The following CEP57L1 variants were observed in gnomAD, a reference collection of about 807,000 sequenced individuals.
CEP57L1 encodes centrosomal protein CEP57L1.
A neutral mutation model predicts 61.0 loss-of-function variants in CEP57L1; 37 were observed. The ratio of observed to expected loss-of-function variants is 0.61; its 90% CI spans 0.47 to 0.80. The LOEUF (loss-of-function observed/expected upper bound fraction) is 0.80, where lower values mean the gene tolerates loss of function less well. Ranked by LOEUF, CEP57L1 falls within the 30% of genes least tolerant of loss-of-function variation. The pLI is 0.00. For missense variants in CEP57L1, 422 were observed against 524.7 expected, an observed-to-expected ratio of 0.80 and a Z score of 1.91; for synonymous variants, 137 against 162.3, an observed-to-expected ratio of 0.84 and a Z score of 1.19.
In CEP57L1 at chr6:109,141,809, A is replaced by G. The variant is rs115199715; in HGVS notation, c.-3-3410A>G. Among the ~76,000 whole-genome samples, 1,198 of 152,272 alleles carry G rather than the reference A, an allele frequency of 7.9e-3. 19 individuals are homozygous for G. Among genetic ancestry groups the G allele is most frequent in the African/African-American group, 0.028 (1,151 of 41,554 alleles). Reference sequence around the variant, plus strand: ...CCTTACTGTGTTTGCTCTTAAGGTAAGTTAGCATAGATGCATACATAAAGA... The same window carrying G: ...CCTTACTGTGTTTGCTCTTAAGGTAGGTTAGCATAGATGCATACATAAAGA... On this transcript the variant is annotated intron_variant, in intron 1 of 10. Coordinates refer to ENST00000517392, the MANE Select transcript of CEP57L1 (RefSeq NM_001271852.3).
At chr6:109,146,703 T>C in intron 2 of CEP57L1, 55 bp from the exon 3 acceptor site, 1 of 1,176,758 alleles carries the variant, frequency 8.5e-7, no homozygotes, top group Non-Finnish European at 1.2e-6. Flanking sequence ...GTTACTTTGA[T>C]TGTAAGTGTT....
chr6:109,130,021 TCA>T (rs1774003182), intron 1 of CEP57L1, among the ~76,000 whole-genome samples: 2 of 152,214 alleles, frequency 1.3e-5, no homozygotes, highest in South Asian at 4.1e-4. Flanking sequence ...AAGTTAGTTA[TCA>T]CCCCATCAAT....
intron 4 of CEP57L1, among the ~76,000 whole-genome samples, chr6:109,153,071 G>A (rs1772815050): frequency 6.6e-6 from 1 of 150,396 alleles, no homozygotes; most frequent in Non-Finnish European, 1.5e-5. Flanking sequence ...AGATTATGCT[G>A]CTGCACTCCA....
intron 4 of CEP57L1, among the ~76,000 whole-genome samples, chr6:109,151,899 AT>A (rs760060337): frequency 5.9e-5 from 9 of 151,704 alleles, no homozygotes; most frequent in Admixed American, 1.3e-4. Flanking sequence ...ATGTGTCATC[AT>A]TTCTCAGGCT....
At chr6:109,116,632 G>A (rs1161336079) in intron 1 of CEP57L1, among the ~76,000 whole-genome samples, 2 of 152,116 alleles carry the variant, frequency 1.3e-5, no homozygotes, top group African/African-American at 4.8e-5. Context: ...TTTGTCTAAA[G>A]TATAGTATTA....
chr6:109,122,630 A>G (rs1488094771), intron 1 of CEP57L1, among the ~76,000 whole-genome samples: 1 of 152,078 alleles, frequency 6.6e-6, no homozygotes, highest in Non-Finnish European at 1.5e-5. Context: ...GTGAAACCCC[A>G]TCTCTACTAA....
At position 109,161,534 on chromosome 6, in the gene CEP57L1, T is replaced by A. The variant is rs11969310; in HGVS notation, c.1161+818T>A. Among the ~76,000 whole-genome samples the A allele has an allele frequency of 7.6e-3, 1,147 of 151,916 alleles. 12 individuals are homozygous for A. The highest frequency in any genetic ancestry group is 0.026 in the African/African-American group (1,076 of 41,442). On this transcript the variant is annotated intron_variant, in intron 10 of 10. Transcript: ENST00000517392. ...CGTTTTATAGGAAAGTAATAGAAGA[T>A]GCAGAATATTATTACTTTTATTCTT...
Position 109,153,938 on chromosome 6 carries a change from A to G in CEP57L1, c.568A>G (p.Lys190Glu), listed in dbSNP as rs763623828. Residue 190 changes from lysine (K) to glutamate (E), a missense_variant, in exon 5 of 11, where the codon AAA (lysine) becomes GAA (glutamate). By Grantham distance (56) the Lys-to-Glu change is moderately conservative. Coordinates refer to ENST00000517392, the MANE Select transcript of CEP57L1 (RefSeq NM_001271852.3). ...KECFRLTTTQKTAEDKIKHLE... is the reference protein window; with the variant it reads ...KECFRLTTTQETAEDKIKHLE... ...GTGTTTCAGACTTACAACAACTCAGAAAACTGCTGAGGTAAGCTTTCTTTG... is the reference window on the plus strand; with the variant it reads ...GTGTTTCAGACTTACAACAACTCAGGAAACTGCTGAGGTAAGCTTTCTTTG... 6.3e-6 allele frequency: 10 copies of G among 1,577,672 alleles called. No homozygotes were observed. The highest frequency in any genetic ancestry group is 7.8e-6 in the Non-Finnish European group (9 of 1,151,746).
At chr6:109,124,069 C>CT (rs1378701123) in intron 1 of CEP57L1, among the ~76,000 whole-genome samples, 3 of 150,528 alleles carry the variant, frequency 2.0e-5, no homozygotes, top group Non-Finnish European at 1.5e-5. Flanking sequence ...GAGTGAGACT[C>CT]TGTCTCAAAA....
chr6:109,148,098 T>C (rs1039138565), intron 3 of CEP57L1, among the ~76,000 whole-genome samples: 14 of 152,104 alleles, frequency 9.2e-5, no homozygotes, highest in African/African-American at 2.9e-4. Flanking sequence ...CTGGTTATTA[T>C]TTTGTCTTTT....
intron 1 of CEP57L1, among the ~76,000 whole-genome samples, chr6:109,097,836 G>A (rs185012593): frequency 8.5e-5 from 13 of 152,218 alleles, no homozygotes; most frequent in Admixed American, 6.5e-4. Context: ...AGTAGGGGAG[G>A]GAATAAACCA....
In CEP57L1 at chr6:109,160,665, A is replaced by G; in HGVS notation, c.1110A>G (p.Lys370=). 1 of 1,609,298 alleles carries G rather than the reference A, an allele frequency of 6.2e-7. No individual in the cohort carries two copies. The highest frequency in any genetic ancestry group is 8.5e-7 in the Non-Finnish European group (1 of 1,178,296). Residue 370 remains lysine (K), a synonymous_variant, in exon 10 of 11, where the codon AAA becomes AAG. Coordinates refer to ENST00000517392, the MANE Select transcript of CEP57L1 (RefSeq NM_001271852.3). The part of the protein sequence containing the change: ...IECELECLLK[K]MEIKGEQISK... ...GTGAACTAGAGTGTTTACTCAAGAA[A>G]ATGGAAATTAAAGGAGAACAAATCT...
chr6:109,147,459 T>C (rs1772091406), intron 3 of CEP57L1, among the ~76,000 whole-genome samples: 1 of 152,072 alleles, frequency 6.6e-6, no homozygotes, highest in South Asian at 2.1e-4. Flanking sequence ...TTTTAGAAAT[T>C]TAGAACATAA....
chr6:109,117,840 A>G (rs1772479964), intron 1 of CEP57L1, among the ~76,000 whole-genome samples: 1 of 152,174 alleles, frequency 6.6e-6, no homozygotes, highest in African/African-American at 2.4e-5. Flanking sequence ...GATCTCTTAC[A>G]TTTCGACATC....
At chr6:109,124,252 G>C (rs1409813236) in intron 1 of CEP57L1, among the ~76,000 whole-genome samples, 1 of 152,130 alleles carries the variant, frequency 6.6e-6, no homozygotes, top group African/African-American at 2.4e-5. Flanking sequence ...ACTACCTACA[G>C]GATAAAATCT....
chr6:109,160,944 C>A (rs989125955), intron 10 of CEP57L1, among the ~76,000 whole-genome samples: 1 of 152,130 alleles, frequency 6.6e-6, no homozygotes, highest in African/African-American at 2.4e-5. Context: ...CAAATAAGTT[C>A]AGTTATGTAT....
intron 1 of CEP57L1, among the ~76,000 whole-genome samples, chr6:109,125,942 C>A (rs958358577): frequency 6.6e-6 from 1 of 151,698 alleles, no homozygotes; most frequent in Non-Finnish European, 1.5e-5. Flanking sequence ...TAAATTAAAA[C>A]CTGTATGTAA....
intron 1 of CEP57L1, among the ~76,000 whole-genome samples, chr6:109,124,695 C>A (rs1032843412): frequency 6.6e-6 from 1 of 152,164 alleles, no homozygotes; most frequent in Non-Finnish European, 1.5e-5. Context: ...TTTTCTTCTA[C>A]CCATTCTCTC....
intron 1 of CEP57L1, among the ~76,000 whole-genome samples, chr6:109,144,398 GTTAT>G (rs1771743100): frequency 6.6e-6 from 1 of 152,026 alleles, no homozygotes; most frequent in Non-Finnish European, 1.5e-5. Context: ...CTTCCAGTGA[GTTAT>G]TTTTTTGTAA....
Sources: allele counts gnomAD v4.1 joint callset (sites outside exome capture counted in the v4.1 genomes callset), GRCh38; gene constraint gnomAD v4.1.1; transcripts MANE v1.5; gene names NCBI Gene and HGNC (gene_info 2026-07-23, HGNC 2026-07-21).